The following TIMP1 variants were observed in gnomAD, a reference collection of about 807,000 sequenced individuals.
TIMP1 encodes TIMP metallopeptidase inhibitor 1.
TIMP1 carries 5 observed loss-of-function variants against 13.7 expected under a neutral mutation model. The ratio of observed to expected loss-of-function variants is 0.36; its 90% CI spans 0.19 to 0.76. The LOEUF is 0.76. Ranked by LOEUF, TIMP1 falls within the 30% of genes least tolerant of loss-of-function variation. The pLI, the probability that TIMP1 is intolerant of heterozygous loss-of-function variation, is 0.51. For synonymous variants in TIMP1, 63 were observed against 67.1 expected (o/e 0.94, Z 0.30); for missense variants, 131 against 168.4 (o/e 0.78, Z 1.23).
chrX:47,585,775 C>T, intron 5 of TIMP1, 108 bp downstream of exon 5: 1 of 1,163,504 alleles, frequency 8.6e-7, no homozygotes, highest in Non-Finnish European at 1.1e-6. Flanking sequence ...CCTGTGGCTG[C>T]TCCCCAACCC....
At chrX:47,583,330 G>A in intron 1 of TIMP1, 78 bp from the exon 2 acceptor site, 2 of 1,009,814 alleles carry the variant, frequency 2.0e-6, no homozygotes, top group Non-Finnish European at 2.7e-6. Context: ...CTGCCCCGGG[G>A]CAAGATGGGG....
At position 47,585,236 on chromosome X, in the gene TIMP1, C is replaced by A. The variant is rs1336825386; in HGVS notation, c.233C>A (p.Ala78Asp). Residue 78 changes from alanine (A) to aspartate (D), a missense_variant, in exon 4 of 6, where the codon GCC (alanine) becomes GAC (aspartate). Ala to Asp is a moderately radical substitution (Grantham distance 126, BLOSUM62 -2). Coordinates refer to ENST00000218388, the MANE Select transcript of TIMP1 (RefSeq NM_003254.3). ...AAAGGGTTCCAAGCCTTAGGGGATG[C>A]CGCTGACATCCGGTTCGTCTACACC... ...MYKGFQALGD[A>D]ADIRFVYTPA... 1.8e-5 allele frequency: 21 copies of A among 1,197,960 alleles called. No homozygotes were observed. Among genetic ancestry groups the A allele is most frequent in the Non-Finnish European group, 2.3e-5 (20 of 888,172 alleles).
At position 47,584,844 on chromosome X, in the gene TIMP1, C is replaced by T. The variant is rs553053209; in HGVS notation, c.122-92C>T. On this transcript the variant is annotated intron_variant, in intron 2 of 5. Coordinates refer to ENST00000218388, the MANE Select transcript of TIMP1 (RefSeq NM_003254.3). Reference sequence around the variant, plus strand: ...ATCCAATAACCCCTATTTATGTATGCGCTTTGCTGGTATGATGATGATGAT... The same window carrying T: ...ATCCAATAACCCCTATTTATGTATGTGCTTTGCTGGTATGATGATGATGAT... 1.3e-4 allele frequency: 103 copies of T among 775,733 alleles called. 1 individual carries two copies. The South Asian group carries it at 1.6e-3, about 12-fold the overall frequency. 63.9% of individuals were successfully genotyped at this position (775,733 alleles called of 1,213,427 possible).
At chrX:47,585,876 A>T in intron 5 of TIMP1, 1 of 1,138,165 alleles carries the variant, frequency 8.8e-7, no homozygotes, top group Non-Finnish European at 1.2e-6. Context: ...TGTGTCCAAT[A>T]CCGTGTGATC....
rs145349279 is a variant in TIMP1, at chrX:47,584,962, C to T, written c.148C>T (p.Pro50Ser). The change falls in exon 3 of 6, where the codon CCA becomes TCA. Residue 50 changes from proline to serine, a missense_variant. Physicochemically the swap from Pro to Ser is moderately conservative, Grantham distance 74. Coordinates refer to ENST00000218388, the MANE Select transcript of TIMP1 (RefSeq NM_003254.3). ...CATCAGGGCCAAGTTCGTGGGGACA[C>T]CAGAAGTCAACCAGACCACCTTATA... ...LVIRAKFVGT[P>S]EVNQTTLYQR... The T allele has an allele frequency of 7.7e-4, 933 of 1,209,267 alleles. 2 individuals carry two copies. The Middle Eastern group carries it at 0.012, about 15-fold the overall frequency.
Position 47,585,226 on chromosome X carries a change from T to C in TIMP1, c.223T>C (p.Leu75=). 1 of 1,198,906 alleles carries C rather than the reference T, an allele frequency of 8.3e-7. No individual in the cohort carries two copies. Among genetic ancestry groups the C allele is most frequent in the Non-Finnish European group, 1.1e-6 (1 of 887,932 alleles). The change falls in exon 4 of 6, where the codon TTA becomes CTA. Residue 75 remains leucine, a synonymous_variant. Coordinates refer to ENST00000218388, the MANE Select transcript of TIMP1 (RefSeq NM_003254.3). ...MTKMYKGFQA[L]GDAADIRFVY... Reference sequence around the variant, plus strand: ...ACAGATGTATAAAGGGTTCCAAGCCTTAGGGGATGCCGCTGACATCCGGTT... The same window carrying C: ...ACAGATGTATAAAGGGTTCCAAGCCCTAGGGGATGCCGCTGACATCCGGTT...
intron 2 of TIMP1, among the ~76,000 whole-genome samples, chrX:47,583,928 C>T (rs2057811150): frequency 8.9e-6 from 1 of 111,812 alleles, no homozygotes; most frequent in Non-Finnish European, 1.9e-5. Context: ...TATTCAGGAC[C>T]ATGGTGATGG....
intron 1 of TIMP1, chrX:47,582,698 T>A (rs1603055693): frequency 4.9e-6 from 1 of 203,542 alleles, no homozygotes; most frequent in African/African-American, 5.8e-5. Context: ...CGCCCCCAAT[T>A]CCCCCAAACC....
chrX:47,586,583 C>T lies in TIMP1; in HGVS notation c.516C>T (p.Asp172=). 8.3e-7 allele frequency: 1 copy of T among 1,211,970 alleles called. No homozygotes were observed. ...LQSGTHCLWT[D]QLLQGSEKGF... is the part of the protein sequence containing the mutation. ...GTGGCACTCATTGCTTGTGGACGGA[C>T]CAGCTCCTCCAAGGCTCTGAAAAGG... Residue 172 remains aspartate (D), a synonymous_variant, in exon 6 of 6, where the codon GAC becomes GAT. Transcript: ENST00000218388.
At chrX:47,584,453 A>T (rs1054587779) in intron 2 of TIMP1, among the ~76,000 whole-genome samples, 2 of 111,921 alleles carry the variant, frequency 1.8e-5, no homozygotes, top group African/African-American at 6.5e-5. Context: ...GCCTAGGAGG[A>T]GGTTCAGGAG....
chrX:47,583,860 C>T (rs922043295), intron 2 of TIMP1, among the ~76,000 whole-genome samples: 2 of 111,892 alleles, frequency 1.8e-5, no homozygotes, highest in African/African-American at 6.5e-5. Flanking sequence ...TACTCCTGAT[C>T]TCCTGTTAAA....
intron 1 of TIMP1, 27 bp from the exon 2 acceptor site, chrX:47,583,381 C>T: frequency 8.5e-7 from 1 of 1,175,802 alleles, no homozygotes; most frequent in South Asian, 1.9e-5. Flanking sequence ...TGGGCCGGGG[C>T]CTGCCTGACA....
At chrX:47,582,656 G>A in intron 1 of TIMP1, 182 bp downstream of exon 1, 1 of 321,854 alleles carries the variant, frequency 3.1e-6, no homozygotes, top group Non-Finnish European at 6.3e-6. Flanking sequence ...TCCCAACCCC[G>A]AGGCTCCAAA....
chrX:47,586,484 G>A, intron 5 of TIMP1, 37 bp from the exon 6 acceptor site: 1 of 1,199,785 alleles, frequency 8.3e-7, no homozygotes, highest in Non-Finnish European at 1.1e-6. Context: ...GGGAGGCAGG[G>A]AGAAGCCCTC....
rs934490510 is a variant in TIMP1 at position 47,582,486 on chromosome X, C to T, written c.-9+12C>T. 1 of 293,866 alleles carries T rather than the reference C, an allele frequency of 3.4e-6. No homozygotes were observed. Among genetic ancestry groups the T allele is most frequent in the Non-Finnish European group, 6.9e-6 (1 of 145,315 alleles). 24.2% of individuals were successfully genotyped at this position (293,866 alleles called of 1,213,427 possible). A position where few individuals can be genotyped will look rare whatever the true frequency, so the allele number is the denominator to read the frequency against. On this transcript the variant is annotated intron_variant, in intron 1 of 5. Coordinates refer to ENST00000218388, the MANE Select transcript of TIMP1 (RefSeq NM_003254.3). ...GAGAGACACCAGAGGTAAGCAGGGC[C>T]CGGGGTGGCCCAGCAGGGACCGGAG...
At chrX:47,583,778 G>A (rs2057810232) in intron 2 of TIMP1, among the ~76,000 whole-genome samples, 1 of 112,004 alleles carries the variant, frequency 8.9e-6, no homozygotes, top group African/African-American at 3.2e-5. Flanking sequence ...ATGGGTGGCT[G>A]CCTCAAACGT....
In TIMP1 at chrX:47,586,733, C is replaced by T; in HGVS notation, c.*42C>T. On this transcript the variant is annotated 3_prime_UTR_variant, in exon 6 of 6. Coordinates refer to ENST00000218388, the MANE Select transcript of TIMP1 (RefSeq NM_003254.3). ...AAGCTGAAGCCTGCACAGTGTCCAC[C>T]CTGTTCCCACTCCCATCTTTCTTCC... 2 of 1,169,267 alleles carry T rather than the reference C, an allele frequency of 1.7e-6. No homozygotes were observed. Among genetic ancestry groups the T allele is most frequent in the Non-Finnish European group, 2.3e-6 (2 of 870,164 alleles).
rs769716254 is a variant in TIMP1, at chrX:47,586,396, T to G, written c.454-125T>G. 6 of 1,097,232 alleles carry G rather than the reference T, an allele frequency of 5.5e-6. No homozygotes were observed. In the African/African-American group the frequency reaches 1.1e-4, roughly 20 times the overall value. The allele number at this position is 1,097,232 out of a possible 1,213,427, so 90.4% of individuals were successfully genotyped here. A position where few individuals can be genotyped will look rare whatever the true frequency, so the allele number is the denominator to read the frequency against. ...CAATGGGAGGGGCTGTCCTGGGGTA[T>G]GTACTTAGGTGGGGTGAGAGCAAGT... On this transcript the variant is annotated intron_variant, in intron 5 of 5. Coordinates refer to ENST00000218388, the MANE Select transcript of TIMP1 (RefSeq NM_003254.3).
At chrX:47,583,726 G>T (rs2057809977) in intron 2 of TIMP1, among the ~76,000 whole-genome samples, 190 bp downstream of exon 2, 1 of 111,836 alleles carries the variant, frequency 8.9e-6, no homozygotes, top group Non-Finnish European at 1.9e-5. Flanking sequence ...CTGCATGCTG[G>T]CTGCTCCCTC....
Sources: gnomAD v4.1 joint callset for allele counts (sites outside exome capture counted in the v4.1 genomes callset) on GRCh38, gnomAD v4.1.1 for gene constraint, MANE v1.5 for transcripts, NCBI Gene and HGNC (gene_info 2026-07-23, HGNC 2026-07-21) for gene names.